The following SRSF10 variants were observed in gnomAD, a reference collection of about 807,000 sequenced individuals.
SRSF10 encodes the protein serine and arginine rich splicing factor 10.
Under a neutral mutation model 32.6 loss-of-function variants are expected in SRSF10, and 9 were observed. The ratio of observed to expected loss-of-function variants is 0.28; its 90% confidence interval spans 0.17 to 0.48. The LOEUF is 0.48. SRSF10 is among the 20% of genes least tolerant of loss of function. SRSF10 has a pLI of 0.99. For missense variants in SRSF10, 201 were observed against 331.8 expected, an observed-to-expected ratio of 0.61 and a Z score of 3.06; for synonymous variants, 105 against 112.4, an observed-to-expected ratio of 0.93 and a Z score of 0.42.
Position 23,969,506 on chromosome 1 carries a change from C to T in SRSF10, c.*1636G>A. On this transcript the variant is annotated 3_prime_UTR_variant, in exon 6 of 6. Transcript: ENST00000492112. The stretch of plus-strand genomic sequence containing the variant: ...ACATTCCACAAACAGTATTTAAAAT[C>T]CATCGTTGTATTCTTTACAGGCAAA... The T allele has an allele frequency of 1.0e-6, 1 of 985,394 alleles. No individual in the cohort carries two copies. The highest frequency in any genetic ancestry group is 1.2e-6 in the Non-Finnish European group (1 of 829,888). 61.0% of individuals were successfully genotyped at this position (985,394 alleles called of 1,614,324 possible).
At position 23,970,654 on chromosome 1, in the gene SRSF10, C is replaced by G; in HGVS notation, c.*488G>C. On this transcript the variant is annotated 3_prime_UTR_variant, in exon 6 of 6. Coordinates refer to ENST00000492112, the MANE Select transcript of SRSF10 (RefSeq NM_054016.4). ...GATTACAGGTGTGAGCCACCACGCCCAGCCGGGCCTAGACATCTTGACAAG... is the reference window on the plus strand; with the variant it reads ...GATTACAGGTGTGAGCCACCACGCCGAGCCGGGCCTAGACATCTTGACAAG... The G allele has an allele frequency of 2.0e-6, 2 of 986,280 alleles. No homozygotes were observed. The highest frequency in any genetic ancestry group is 2.4e-6 in the Non-Finnish European group (2 of 830,614). The allele number at this position is 986,280 out of a possible 1,614,324, so 61.1% of individuals were successfully genotyped here.
chr1:23,965,709 A>G lies in SRSF10; in HGVS notation c.*5433T>C, dbSNP rs369156169. On this transcript the variant is annotated 3_prime_UTR_variant, in exon 6 of 6. Transcript: ENST00000492112. ...TTCATTCAACAGATGCAAAAATTAAAGGGCCTTTTCTGATTTACCATAATT... is the reference window on the plus strand; with the variant it reads ...TTCATTCAACAGATGCAAAAATTAAGGGGCCTTTTCTGATTTACCATAATT... The G allele has an allele frequency of 6.6e-6, 1 of 151,998 alleles. No individual in the cohort carries two copies. Among genetic ancestry groups the G allele is most frequent in the African/African-American group, 2.4e-5 (1 of 41,448 alleles). 9.4% of individuals were successfully genotyped at this position (151,998 alleles called of 1,614,324 possible). A position where few individuals can be genotyped will look rare whatever the true frequency, so the allele number is the denominator to read the frequency against.
chr1:23,968,323 G>A lies in SRSF10; in HGVS notation c.*2819C>T, dbSNP rs1215336051. Among the ~76,000 whole-genome samples the A allele has an allele frequency of 6.6e-6, 1 of 152,096 alleles. No individual in the cohort carries two copies. The highest frequency in any genetic ancestry group is 1.5e-5 in the Non-Finnish European group (1 of 67,988). ...AAATTAGGCCTTCTAGTTCTATACAGAAAATGAACAATTTCAATGAGCTAT... is the reference window on the plus strand; with the variant it reads ...AAATTAGGCCTTCTAGTTCTATACAAAAAATGAACAATTTCAATGAGCTAT... On this transcript the variant is annotated 3_prime_UTR_variant, in exon 6 of 6. Transcript: ENST00000492112.
Position 23,964,420 on chromosome 1 carries a change from C to T in SRSF10, c.*6722G>A, listed in dbSNP as rs111545443. ...GGAATTTCCCAAGTCGATGCAATTG[C>T]GAGAACCAAAAATAGCTGGTACAGA... On this transcript the variant is annotated 3_prime_UTR_variant, in exon 6 of 6. Coordinates refer to ENST00000492112, the MANE Select transcript of SRSF10 (RefSeq NM_054016.4). 1.1e-3 allele frequency among the ~76,000 whole-genome samples: 163 copies of T among 151,984 alleles called. No homozygotes were observed. The highest frequency in any genetic ancestry group is 3.6e-3 in the African/African-American group (150 of 41,504).
intron 5 of SRSF10, 49 bp from the exon 6 acceptor site, chr1:23,971,488 A>G (rs1237352414): frequency 7.6e-6 from 12 of 1,585,632 alleles, no homozygotes; most frequent in African/African-American, 1.4e-5. Flanking sequence ...TAGATTCTAT[A>G]TTAATCAAAT....
At chr1:23,974,342 G>A (rs1641954257) in intron 3 of SRSF10, among the ~76,000 whole-genome samples, 1 of 152,208 alleles carries the variant, frequency 6.6e-6, no homozygotes, top group South Asian at 2.1e-4. Context: ...AGGTCTTTTT[G>A]ACTCTAAAAC....
At position 23,964,907 on chromosome 1, in the gene SRSF10, C is replaced by T. The variant is rs904896258; in HGVS notation, c.*6235G>A. 1 of 151,950 alleles carries T rather than the reference C, an allele frequency of 6.6e-6. No homozygotes were observed. The highest frequency in any genetic ancestry group is 1.5e-5 in the Non-Finnish European group (1 of 67,854). The allele number at this position is 151,950 out of a possible 1,614,324, so 9.4% of individuals were successfully genotyped here. On this transcript the variant is annotated 3_prime_UTR_variant, in exon 6 of 6. Coordinates refer to ENST00000492112, the MANE Select transcript of SRSF10 (RefSeq NM_054016.4). ...AGGCCTTTTACTTCTTTACAAACTACGGTTAGTTCTCAATGAATTTACATG... is the reference window on the plus strand; with the variant it reads ...AGGCCTTTTACTTCTTTACAAACTATGGTTAGTTCTCAATGAATTTACATG...
In SRSF10 at chr1:23,965,380, C is replaced by G. The variant is rs1641403019; in HGVS notation, c.*5762G>C. ...AGATTTGGAAAGCCATGCTTAGAGT[C>G]TCTGAGCCACACAACCATAAGATCT... is the stretch of plus-strand genomic sequence containing the variant. On this transcript the variant is annotated 3_prime_UTR_variant, in exon 6 of 6. Coordinates refer to ENST00000492112, the MANE Select transcript of SRSF10 (RefSeq NM_054016.4). 6.6e-6 allele frequency: 1 copy of G among 152,092 alleles called. No homozygotes were observed. Among genetic ancestry groups the G allele is most frequent in the African/African-American group, 2.4e-5 (1 of 41,556 alleles). 9.4% of individuals were successfully genotyped at this position (152,092 alleles called of 1,614,324 possible). A position where few individuals can be genotyped will look rare whatever the true frequency, so the allele number is the denominator to read the frequency against.
intron 3 of SRSF10, among the ~76,000 whole-genome samples, chr1:23,974,459 T>G (rs1641960823): frequency 6.6e-6 from 1 of 152,164 alleles, no homozygotes; most frequent in Admixed American, 6.6e-5. Flanking sequence ...CACCTCCTAC[T>G]TACACTTACC....
At chr1:23,973,480 C>T (rs1350971156) in intron 3 of SRSF10, among the ~76,000 whole-genome samples, 10 of 152,176 alleles carry the variant, frequency 6.6e-5, no homozygotes, top group Non-Finnish European at 1.5e-4. Context: ...TCAAGCCTGG[C>T]TAATTTTTTA....
At chr1:23,972,324 G>A (rs1641807957) in intron 3 of SRSF10, among the ~76,000 whole-genome samples, 1 of 151,944 alleles carries the variant, frequency 6.6e-6, no homozygotes, top group African/African-American at 2.4e-5. Flanking sequence ...AATCACTTGA[G>A]CTCATGAGTT....
Position 23,971,292 on chromosome 1 carries a change from G to A in SRSF10, c.639C>T (p.Ser213=), listed in dbSNP as rs1305039945. The A allele has an allele frequency of 1.9e-6, 3 of 1,613,522 alleles. No homozygotes were observed. Among genetic ancestry groups the A allele is most frequent in the African/African-American group, 2.7e-5 (2 of 74,854 alleles). The part of the protein sequence containing the change: ...TKTRGTSKTD[S]KTHYKSGSRY... ...TTGAGCCAGACTTATAATGTGTTTTGGAATCTGTTTTAGAGGTGCCTCTAG... is the reference window on the plus strand; with the variant it reads ...TTGAGCCAGACTTATAATGTGTTTTAGAATCTGTTTTAGAGGTGCCTCTAG... The change falls in exon 6 of 6, where the codon TCC becomes TCT. Residue 213 remains serine (S), a synonymous_variant. Coordinates refer to ENST00000492112, the MANE Select transcript of SRSF10 (RefSeq NM_054016.4).
chr1:23,965,649 AG>A lies in SRSF10; in HGVS notation c.*5492del, dbSNP rs1641416181. 6.6e-6 allele frequency: 1 copy of A among 151,994 alleles called. No individual in the cohort carries two copies. Among genetic ancestry groups the A allele is most frequent in the Non-Finnish European group, 1.5e-5 (1 of 67,844 alleles). 9.4% of individuals were successfully genotyped at this position (151,994 alleles called of 1,614,324 possible). A position where few individuals can be genotyped will look rare whatever the true frequency, so the allele number is the denominator to read the frequency against. On this transcript the variant is annotated 3_prime_UTR_variant, in exon 6 of 6. Transcript: ENST00000492112. The stretch of plus-strand genomic sequence containing the variant: ...CAATAATATTGACAGCATTCAGTAT[AG>A]AGAGAAACAACCACAGAAGAGATCC...
rs1641389624 is a variant in SRSF10, at chr1:23,965,101, T to C, written c.*6041A>G. Reference sequence around the variant, plus strand: ...CCACAGTGACTAGCAGAATGTCTTGTAGATAGCAATAACCGAAGACAAACA... The same window carrying C: ...CCACAGTGACTAGCAGAATGTCTTGCAGATAGCAATAACCGAAGACAAACA... On this transcript the variant is annotated 3_prime_UTR_variant, in exon 6 of 6. Coordinates refer to ENST00000492112, the MANE Select transcript of SRSF10 (RefSeq NM_054016.4). 6.6e-6 allele frequency: 1 copy of C among 151,976 alleles called. No individual in the cohort carries two copies. The highest frequency in any genetic ancestry group is 1.9e-4 in the East Asian group (1 of 5,196). 9.4% of individuals were successfully genotyped at this position (151,976 alleles called of 1,614,324 possible).
intron 1 of SRSF10, among the ~76,000 whole-genome samples, chr1:23,979,413 GATTC>G (rs908426246): frequency 3.3e-5 from 5 of 152,138 alleles, no homozygotes; most frequent in South Asian, 2.1e-4. Flanking sequence ...TCTGTGTGTA[GATTC>G]ATTATTTGTG....
chr1:23,975,393 GT>G, intron 2 of SRSF10: 1 of 240,010 alleles, frequency 4.2e-6, no homozygotes, highest in East Asian at 8.5e-5. Flanking sequence ...TAAGAATTAA[GT>G]TTACAAGACA....
At chr1:23,977,162 T>C (rs958928387) in intron 2 of SRSF10, 59 of 152,350 alleles carry the variant, frequency 3.9e-4, no homozygotes, top group African/African-American at 1.3e-3. Flanking sequence ...GGAGTAGTTT[T>C]TGGCTTTTCC....
rs1641410263 is a variant in SRSF10 at position 23,965,537 on chromosome 1, A to T, written c.*5605T>A. The T allele has an allele frequency of 6.6e-6, 1 of 152,002 alleles. No homozygotes were observed. Among genetic ancestry groups the T allele is most frequent in the Non-Finnish European group, 1.5e-5 (1 of 67,854 alleles). 9.4% of individuals were successfully genotyped at this position (152,002 alleles called of 1,614,324 possible). Reference sequence around the variant, plus strand: ...ACAAAGGACAATTTTCTCATCTGTAAAATGGGAATAATACCCATTTCCCAG... The same window carrying T: ...ACAAAGGACAATTTTCTCATCTGTATAATGGGAATAATACCCATTTCCCAG... On this transcript the variant is annotated 3_prime_UTR_variant, in exon 6 of 6. Transcript: ENST00000492112.
Position 23,971,876 on chromosome 1 carries a change from G to A in SRSF10, c.411C>T (p.Asn137=), listed in dbSNP as rs1641777470. The A allele has an allele frequency of 2.3e-5, 37 of 1,609,208 alleles. No individual in the cohort carries two copies. Among genetic ancestry groups the A allele is most frequent in the Non-Finnish European group, 3.0e-5 (35 of 1,178,646 alleles). ...TTCTAGGACTATACGATCTTCTATAGTTGTAATCAAAAGACCGACTTCTTG... is the reference window on the plus strand; with the variant it reads ...TTCTAGGACTATACGATCTTCTATAATTGTAATCAAAAGACCGACTTCTTG... The part of the protein sequence containing the change: ...RRSRSRSFDY[N]YRRSYSPRNS... The change falls in exon 4 of 6, where the codon AAC becomes AAT. Residue 137 remains asparagine (N), a synonymous_variant. Coordinates refer to ENST00000492112, the MANE Select transcript of SRSF10 (RefSeq NM_054016.4).
Sources: allele counts gnomAD v4.1 joint callset (sites outside exome capture counted in the v4.1 genomes callset), GRCh38; gene constraint gnomAD v4.1.1; transcripts MANE v1.5; gene names NCBI Gene and HGNC (gene_info 2026-07-23, HGNC 2026-07-21).